Variants in MAGI2 observed in about 807,000 individuals in gnomAD.
The protein encoded by MAGI2 is membrane associated guanylate kinase, WW and PDZ domain containing 2.
A neutral mutation model predicts 133.3 loss-of-function variants in MAGI2; 35 were observed. The ratio of observed to expected loss-of-function variants is 0.26; its 90% confidence interval spans 0.20 to 0.35. The LOEUF (loss-of-function observed/expected upper bound fraction) is 0.35. Among genes scored for constraint, MAGI2 ranks in the 10% least tolerant of loss-of-function variants. The pLI is 1.00. For missense variants in MAGI2, 1,636 were observed against 1,863.4 expected (o/e 0.88, Z 2.25); for synonymous variants, 729 against 710.6 (o/e 1.03, Z -0.41).
chr7:78,303,130 C>A (rs1342465736), intron 9 of MAGI2, among the ~76,000 whole-genome samples: 1 of 152,084 alleles, frequency 6.6e-6, no homozygotes, highest in Non-Finnish European at 1.5e-5. Context: ...GTAGTCCCAG[C>A]ACTTTGGGAG....
intron 2 of MAGI2, among the ~76,000 whole-genome samples, chr7:78,764,081 G>A (rs981549110): frequency 6.6e-6 from 1 of 152,158 alleles, no homozygotes; most frequent in African/African-American, 2.4e-5. Context: ...GGAAAAGAAT[G>A]TTTCTTCCTC....
At chr7:79,318,327 G>C (rs867992164) in intron 1 of MAGI2, among the ~76,000 whole-genome samples, 4 of 152,020 alleles carry the variant, frequency 2.6e-5, no homozygotes, top group African/African-American at 9.7e-5. Context: ...TTAAAAAAAG[G>C]TGCTGGCCAA....
chr7:79,244,541 C>G (rs1019568231), intron 1 of MAGI2, among the ~76,000 whole-genome samples: 1 of 152,102 alleles, frequency 6.6e-6, no homozygotes, highest in Non-Finnish European at 1.5e-5. Context: ...TCAGTGGATG[C>G]CCATAGAGGG....
At chr7:78,538,467 G>A (rs537524686) in intron 3 of MAGI2, among the ~76,000 whole-genome samples, 1 of 152,328 alleles carries the variant, frequency 6.6e-6, no homozygotes, top group African/African-American at 2.4e-5. Context: ...AGCATGAGAT[G>A]TGTCTCCATT....
intron 1 of MAGI2, among the ~76,000 whole-genome samples, chr7:79,103,794 G>A (rs1211284197): frequency 6.6e-6 from 1 of 151,952 alleles, no homozygotes; most frequent in Non-Finnish European, 1.5e-5. Context: ...CCGCCTCCCG[G>A]GTTCACGCCA....
chr7:79,225,435 T>C (rs928471305), intron 1 of MAGI2, among the ~76,000 whole-genome samples: 2 of 152,192 alleles, frequency 1.3e-5, no homozygotes, highest in Non-Finnish European at 1.5e-5. Context: ...TCTGTTTTCA[T>C]ATTAGAAATA....
intron 20 of MAGI2, among the ~76,000 whole-genome samples, chr7:78,091,728 C>T (rs916227945): frequency 2.0e-5 from 3 of 152,136 alleles, no homozygotes; most frequent in Non-Finnish European, 2.9e-5. Flanking sequence ...TTCAGCATTG[C>T]GGAAGTAGGG....
chr7:79,047,676 G>T (rs1562829975), intron 1 of MAGI2, among the ~76,000 whole-genome samples: 1 of 151,980 alleles, frequency 6.6e-6, no homozygotes, highest in Admixed American at 6.6e-5. Context: ...ATGAAGGTTT[G>T]ATATATGCCA....
intron 1 of MAGI2, among the ~76,000 whole-genome samples, chr7:79,368,305 T>A (rs1842851451): frequency 6.6e-6 from 1 of 152,080 alleles, no homozygotes; most frequent in African/African-American, 2.4e-5. Context: ...GTACTTTCCC[T>A]AGACAGAAAC....
At chr7:79,035,234 G>C (rs1216694358) in intron 1 of MAGI2, among the ~76,000 whole-genome samples, 1 of 151,436 alleles carries the variant, frequency 6.6e-6, no homozygotes, top group African/African-American at 2.4e-5. Flanking sequence ...GGGGGTGGTG[G>C]GCCTGTGTGT....
chr7:78,915,400 T>C (rs920881339), intron 2 of MAGI2, among the ~76,000 whole-genome samples: 4 of 152,128 alleles, frequency 2.6e-5, no homozygotes, highest in East Asian at 1.9e-4. Context: ...GAGAGTGCAA[T>C]TGCTGCTAGA....
intron 1 of MAGI2, among the ~76,000 whole-genome samples, chr7:79,155,560 G>C (rs1359807564): frequency 1.3e-5 from 2 of 152,130 alleles, no homozygotes; most frequent in East Asian, 3.9e-4. Flanking sequence ...GGAAGGTGAG[G>C]AGAAAGAATC....
intron 1 of MAGI2, among the ~76,000 whole-genome samples, chr7:79,196,139 CTAGAGT>C (rs1181258797): frequency 4.6e-5 from 7 of 151,860 alleles, no homozygotes; most frequent in Non-Finnish European, 7.4e-5. Flanking sequence ...TGTTAATTAG[CTAGAGT>C]TAGTCATTCC....
intron 1 of MAGI2, among the ~76,000 whole-genome samples, chr7:79,065,493 T>A (rs561766600): frequency 2.8e-4 from 42 of 152,254 alleles, no homozygotes; most frequent in African/African-American, 9.1e-4. Context: ...CAGTTTATTG[T>A]GTTTTAATAT....
chr7:78,291,709 C>A (rs1168079384), intron 9 of MAGI2, among the ~76,000 whole-genome samples: 2 of 152,174 alleles, frequency 1.3e-5, no homozygotes, highest in Non-Finnish European at 2.9e-5. Context: ...CCGAATCCAG[C>A]AGCACATCAA....
intron 1 of MAGI2, among the ~76,000 whole-genome samples, chr7:79,144,792 T>A (rs1358964658): frequency 6.6e-6 from 1 of 152,182 alleles, no homozygotes; most frequent in Admixed American, 6.6e-5. Flanking sequence ...AAGAGAGAAG[T>A]TAAAACTTCA....
Position 78,990,867 on chromosome 7 carries a change from C to T in MAGI2, c.418+16223G>A, listed in dbSNP as rs531959951. 1.1e-4 allele frequency among the ~76,000 whole-genome samples: 16 copies of T among 150,648 alleles called. No individual in the cohort carries two copies. In the Middle Eastern group the frequency reaches 0.014, roughly 129 times the overall value. ...CCACCTGCACAGGTGTTATGTATGT[C>T]CTATTATTTTACTGAAATAAGAGAT... is the stretch of plus-strand genomic sequence containing the variant. On this transcript the variant is annotated intron_variant, in intron 2 of 21. Transcript: ENST00000354212.
At chr7:78,812,154 C>T (rs1789120307) in intron 2 of MAGI2, among the ~76,000 whole-genome samples, 1 of 152,128 alleles carries the variant, frequency 6.6e-6, no homozygotes, top group Non-Finnish European at 1.5e-5. Flanking sequence ...GGAATGCTGT[C>T]CTGATGACAA....
At chr7:78,051,919 T>C (rs1385023888) in intron 21 of MAGI2, among the ~76,000 whole-genome samples, 1 of 148,116 alleles carries the variant, frequency 6.8e-6, no homozygotes, top group Non-Finnish European at 1.5e-5. Context: ...GATCTTGCTG[T>C]GTTACCCAGG....
Sources: allele counts gnomAD v4.1 joint callset (sites outside exome capture counted in the v4.1 genomes callset), GRCh38; gene constraint gnomAD v4.1.1; transcripts MANE v1.5; gene names NCBI Gene and HGNC (gene_info 2026-07-23, HGNC 2026-07-21).